Variants in ERC2 observed in about 807,000 individuals in gnomAD.
The protein encoded by ERC2 is ELKS/RAB6-interacting/CAST family member 2.
ERC2 carries 42 observed loss-of-function variants against 114.8 expected under a neutral mutation model. The observed-to-expected ratio is 0.37, with a 90% CI of 0.29 to 0.47. The LOEUF (loss-of-function observed/expected upper bound fraction) is 0.47, where lower values mean the gene tolerates loss of function less well. Among genes scored for constraint, ERC2 ranks in the 20% least tolerant of loss-of-function variants. The pLI is 0.99. For missense variants in ERC2, 939 were observed against 1,150.7 expected (o/e 0.82, Z 2.66); for synonymous variants, 454 against 425.5 (o/e 1.07, Z -0.82).
intron 14 of ERC2, among the ~76,000 whole-genome samples, chr3:55,859,511 G>A (rs1159300387): frequency 6.6e-6 from 1 of 152,034 alleles, no homozygotes; most frequent in Non-Finnish European, 1.5e-5. Context: ...TGGCCAGGCT[G>A]CTCCTAATGA....
At chr3:56,300,280 CAAAAAAAA>C (rs200816892) in intron 2 of ERC2, among the ~76,000 whole-genome samples, 28 of 93,218 alleles carry the variant, frequency 3.0e-4, no homozygotes, top group African/African-American at 8.0e-4. Context: ...TCATGAAATA[CAAAAAAAA>C]AAAAAAAGAA....
At chr3:56,021,349 T>C (rs1052991429) in intron 7 of ERC2, among the ~76,000 whole-genome samples, 1 of 151,824 alleles carries the variant, frequency 6.6e-6, no homozygotes, top group Admixed American at 6.6e-5. Context: ...TTGAATTTTC[T>C]AACCATGTGG....
intron 14 of ERC2, among the ~76,000 whole-genome samples, chr3:55,783,209 A>C (rs2069200925): frequency 6.6e-6 from 1 of 152,216 alleles, no homozygotes; most frequent in South Asian, 2.1e-4. Flanking sequence ...ACCTGGAGGA[A>C]GTGTGCACAG....
intron 3 of ERC2, among the ~76,000 whole-genome samples, chr3:56,181,386 G>T (rs953529185): frequency 3.9e-5 from 6 of 152,284 alleles, no homozygotes; most frequent in African/African-American, 1.2e-4. Flanking sequence ...ACGCTGCTAT[G>T]CACATTGATT....
At chr3:56,342,674 T>C (rs1050584730) in intron 2 of ERC2, among the ~76,000 whole-genome samples, 6 of 152,240 alleles carry the variant, frequency 3.9e-5, no homozygotes, top group Admixed American at 2.0e-4. Context: ...CACATGATTC[T>C]GCCAGGTGTG....
At chr3:55,921,980 A>G (rs1229488878) in intron 13 of ERC2, among the ~76,000 whole-genome samples, 1 of 152,124 alleles carries the variant, frequency 6.6e-6, no homozygotes, top group Non-Finnish European at 1.5e-5. Flanking sequence ...TATAATATCA[A>G]CCCAGAGATA....
chr3:55,730,649 C>A (rs898554906), intron 15 of ERC2, among the ~76,000 whole-genome samples: 1 of 152,112 alleles, frequency 6.6e-6, no homozygotes, highest in Non-Finnish European at 1.5e-5. Flanking sequence ...GGTGGGAAGA[C>A]TGCTTGAGCC....
At chr3:56,312,688 T>C (rs886687201) in intron 2 of ERC2, among the ~76,000 whole-genome samples, 2 of 151,544 alleles carry the variant, frequency 1.3e-5, no homozygotes, top group African/African-American at 2.4e-5. Flanking sequence ...TGCTCATTTG[T>C]GCTTTTAAGC....
intron 3 of ERC2, among the ~76,000 whole-genome samples, chr3:56,270,510 T>C (rs1235201498): frequency 6.6e-6 from 1 of 152,226 alleles, no homozygotes. Context: ...ATCTGTCAAC[T>C]TGGCAAAGAC....
chr3:56,177,315 C>G (rs1485951213), intron 3 of ERC2, among the ~76,000 whole-genome samples: 2 of 152,178 alleles, frequency 1.3e-5, no homozygotes, highest in South Asian at 4.1e-4. Context: ...TTGCTGGAGG[C>G]TCCAACTGCC....
At position 56,100,372 on chromosome 3, in the gene ERC2, T is replaced by C. The variant is rs910464213; in HGVS notation, c.1474-19388A>G. 2.0e-5 allele frequency among the ~76,000 whole-genome samples: 3 copies of C among 152,104 alleles called. No individual in the cohort carries two copies. In the East Asian group the frequency reaches 5.8e-4, roughly 29 times the overall value. On this transcript the variant is annotated intron_variant, in intron 6 of 17. Transcript: ENST00000288221. ...TTTACCAATGCCCTCTGATGACCAC[T>C]AAGCAAGCAAGAACCAAGCACCCCA...
intron 17 of ERC2, among the ~76,000 whole-genome samples, chr3:55,679,953 T>C (rs1365545084): frequency 1.3e-5 from 2 of 152,194 alleles, no homozygotes; most frequent in African/African-American, 4.8e-5. Context: ...ATAAAACATC[T>C]CCTTCCTCCT....
chr3:55,974,906 T>C (rs1033674209), intron 12 of ERC2, among the ~76,000 whole-genome samples: 9 of 152,320 alleles, frequency 5.9e-5, no homozygotes, highest in South Asian at 2.1e-4. Flanking sequence ...CTTTGTATTA[T>C]AGAAATAGCT....
intron 17 of ERC2, among the ~76,000 whole-genome samples, chr3:55,547,532 CATT>C (rs1452542116): frequency 6.6e-6 from 1 of 152,208 alleles, no homozygotes; most frequent in African/African-American, 2.4e-5. Flanking sequence ...TAAAATGTCT[CATT>C]GTTGCTCCGG....
At chr3:56,311,925 G>T (rs2150397643) in intron 2 of ERC2, among the ~76,000 whole-genome samples, 1 of 150,500 alleles carries the variant, frequency 6.6e-6, no homozygotes, top group South Asian at 2.1e-4. Context: ...ACTAACCACG[G>T]GTTAAAAATA....
At chr3:55,540,608 G>A (rs1216446888) in intron 17 of ERC2, among the ~76,000 whole-genome samples, 1 of 152,168 alleles carries the variant, frequency 6.6e-6, no homozygotes, top group Non-Finnish European at 1.5e-5. Context: ...CTCCCCATCT[G>A]TAAAACGAAG....
intron 2 of ERC2, among the ~76,000 whole-genome samples, chr3:56,398,489 A>G (rs1036100755): frequency 3.3e-5 from 5 of 152,214 alleles, no homozygotes; most frequent in Admixed American, 3.3e-4. Flanking sequence ...ACATACTTAT[A>G]CTAGAAAAGT....
At chr3:55,866,127 G>A (rs1315582719) in intron 14 of ERC2, among the ~76,000 whole-genome samples, 1 of 152,062 alleles carries the variant, frequency 6.6e-6, no homozygotes, top group Non-Finnish European at 1.5e-5. Flanking sequence ...GTAATTGCCT[G>A]TCTTTTTTCT....
intron 2 of ERC2, among the ~76,000 whole-genome samples, chr3:56,342,876 G>A (rs1267889673): frequency 3.9e-5 from 6 of 152,082 alleles, no homozygotes; most frequent in Admixed American, 6.5e-5. Flanking sequence ...CTCCTACAAG[G>A]CTTGTCTTTT....
Sources: gnomAD v4.1 joint callset for allele counts (sites outside exome capture counted in the v4.1 genomes callset) on GRCh38, gnomAD v4.1.1 for gene constraint, MANE v1.5 for transcripts, NCBI Gene and HGNC (gene_info 2026-07-23, HGNC 2026-07-21) for gene names.